Variants in TM2D1 observed in about 807,000 individuals in gnomAD.
TM2D1 encodes the protein TM2 domain-containing protein 1.
In TM2D1, 15 loss-of-function variants were observed where a neutral mutation model predicts 28.4. The observed-to-expected ratio is 0.53, with a 90% CI of 0.35 to 0.81. TM2D1 has a LOEUF of 0.81. TM2D1 is among the 40% of genes least tolerant of loss of function. TM2D1 has a pLI of 0.01. For synonymous variants in TM2D1, 93 were observed against 96.2 expected, an observed-to-expected ratio of 0.97 and a Z score of 0.20; for missense variants, 236 against 254.9, an observed-to-expected ratio of 0.93 and a Z score of 0.50.
At chr1:61,700,079 A>G (rs923777093) in intron 4 of TM2D1, 13 of 1,415,788 alleles carry the variant, frequency 9.2e-6, no homozygotes, top group African/African-American at 1.5e-5. Context: ...TACAGTAAAT[A>G]AAGCATGATC....
At chr1:61,713,340 TG>T (rs990781276) in intron 2 of TM2D1, among the ~76,000 whole-genome samples, 2 of 151,698 alleles carry the variant, frequency 1.3e-5, no homozygotes, top group African/African-American at 4.8e-5. Flanking sequence ...TAGCCAGGCG[TG>T]GTGACATGTG....
At chr1:61,715,058 T>C (rs551629797) in intron 2 of TM2D1, among the ~76,000 whole-genome samples, 7 of 152,200 alleles carry the variant, frequency 4.6e-5, no homozygotes, top group South Asian at 2.1e-4. Flanking sequence ...CACATTGCAA[T>C]GATTCAAGAA....
chr1:61,691,366 G>T (rs973049248), intron 5 of TM2D1, among the ~76,000 whole-genome samples: 1 of 151,584 alleles, frequency 6.6e-6, no homozygotes, highest in Admixed American at 6.6e-5. Context: ...ATAGTGGTGC[G>T]TGCCTGTAAT....
Position 61,725,128 on chromosome 1 carries a change from A to G in TM2D1, c.-8T>C. Reference sequence around the variant, plus strand: ...CGGCCAGGCGGCCGCCATCTTGGAGACCGACACTTTCTCGCCACTTCCGCT... The same window carrying G: ...CGGCCAGGCGGCCGCCATCTTGGAGGCCGACACTTTCTCGCCACTTCCGCT... On this transcript the variant is annotated 5_prime_UTR_variant, in exon 1 of 7. Coordinates refer to ENST00000606498, the MANE Select transcript of TM2D1 (RefSeq NM_032027.3). 3 of 1,613,372 alleles carry G rather than the reference A, an allele frequency of 1.9e-6. No homozygotes were observed. Among genetic ancestry groups the G allele is most frequent in the Non-Finnish European group, 1.7e-6 (2 of 1,179,772 alleles).
At chr1:61,716,850 T>A (rs1242382065) in intron 2 of TM2D1, among the ~76,000 whole-genome samples, 10 of 152,096 alleles carry the variant, frequency 6.6e-5, no homozygotes, top group Non-Finnish European at 1.3e-4. Flanking sequence ...TTCACAATAT[T>A]TCTTTTTCTT....
At chr1:61,707,207 A>T (rs1015033107) in intron 3 of TM2D1, among the ~76,000 whole-genome samples, 2 of 152,164 alleles carry the variant, frequency 1.3e-5, no homozygotes, top group African/African-American at 4.8e-5. Context: ...ATGAGACATG[A>T]TTGTGACGCT....
intron 4 of TM2D1, chr1:61,698,218 T>C (rs1330252963): frequency 1.3e-5 from 2 of 152,206 alleles, no homozygotes; most frequent in Non-Finnish European, 2.9e-5. Context: ...TCAGGTTCTG[T>C]TCAGGATACC....
At chr1:61,700,195 A>T (rs1436564776) in intron 4 of TM2D1, 1 of 1,537,926 alleles carries the variant, frequency 6.5e-7, no homozygotes, top group East Asian at 2.5e-5. Context: ...CAAAGATGAT[A>T]ACAACAAATA....
At chr1:61,723,885 T>C in intron 1 of TM2D1, 99 bp from the exon 2 acceptor site, 1 of 524,276 alleles carries the variant, frequency 1.9e-6, no homozygotes, top group Non-Finnish European at 3.4e-6. Context: ...TATTCACATG[T>C]AAATAGAGGC....
At chr1:61,716,113 G>C (rs945550144) in intron 2 of TM2D1, among the ~76,000 whole-genome samples, 1 of 151,248 alleles carries the variant, frequency 6.6e-6, no homozygotes, top group Non-Finnish European at 1.5e-5. Flanking sequence ...CCGAGCCCAG[G>C]AATTTAAGAC....
chr1:61,709,289 G>C (rs552024316), intron 3 of TM2D1, 40 bp downstream of exon 3: 1 of 1,226,864 alleles, frequency 8.2e-7, no homozygotes, highest in East Asian at 2.4e-5. Flanking sequence ...TATAATATAG[G>C]CAAGTAATCT....
chr1:61,689,888 T>C (rs929293942), intron 5 of TM2D1, among the ~76,000 whole-genome samples: 2 of 152,198 alleles, frequency 1.3e-5, no homozygotes, highest in East Asian at 3.9e-4. Flanking sequence ...CTATTATGTT[T>C]TGAATGTTTG....
intron 5 of TM2D1, among the ~76,000 whole-genome samples, chr1:61,692,595 A>C (rs1402881662): frequency 1.3e-5 from 2 of 152,102 alleles, no homozygotes; most frequent in Admixed American, 6.6e-5. Context: ...AAAGAAAAAT[A>C]AACAAAAAGA....
At chr1:61,711,721 T>C (rs1644480772) in intron 2 of TM2D1, among the ~76,000 whole-genome samples, 1 of 152,234 alleles carries the variant, frequency 6.6e-6, no homozygotes, top group Non-Finnish European at 1.5e-5. Flanking sequence ...ATAAAATTTA[T>C]TGACTTTTGC....
intron 2 of TM2D1, among the ~76,000 whole-genome samples, chr1:61,713,132 T>G (rs973935722): frequency 6.7e-6 from 1 of 148,158 alleles, no homozygotes; most frequent in Non-Finnish European, 1.5e-5. Flanking sequence ...ATTGCGCCAC[T>G]GCACTTCAGC....
At position 61,686,421 on chromosome 1, in the gene TM2D1, C is replaced by T. The variant is rs112812300; in HGVS notation, c.514-2875G>A. Among the ~76,000 whole-genome samples, 198 of 152,110 alleles carry T rather than the reference C, an allele frequency of 1.3e-3. 1 individual carries two copies. Among genetic ancestry groups the T allele is most frequent in the African/African-American group, 4.5e-3 (187 of 41,500 alleles). ...CCTGTAATCCCAGCACTTTGGGAGGCCAAGGTGGGAGGATTGCTTGAGGCC... is the reference window on the plus strand; with the variant it reads ...CCTGTAATCCCAGCACTTTGGGAGGTCAAGGTGGGAGGATTGCTTGAGGCC... On this transcript the variant is annotated intron_variant, in intron 5 of 6. Transcript: ENST00000606498.
intron 5 of TM2D1, among the ~76,000 whole-genome samples, chr1:61,684,470 T>C (rs1345848443): frequency 6.6e-6 from 1 of 152,206 alleles, no homozygotes; most frequent in Non-Finnish European, 1.5e-5. Context: ...TATGATGGCA[T>C]ATTTCCCTGA....
In TM2D1 at chr1:61,700,931, C is replaced by A. The variant is rs555564148; in HGVS notation, c.439+3G>T. 6.2e-7 allele frequency: 1 copy of A among 1,600,992 alleles called. No individual in the cohort carries two copies. Among genetic ancestry groups the A allele is most frequent in the African/African-American group, 1.3e-5 (1 of 74,148 alleles). ...GGATTTTTTTTTAATGAAACATACG[C>A]ACCCAAAGCAGGGTATCCAAGGTAA... On this transcript the variant is annotated splice_donor_region_variant and intron_variant, in intron 4 of 6. Coordinates refer to ENST00000606498, the MANE Select transcript of TM2D1 (RefSeq NM_032027.3).
At chr1:61,719,802 G>C (rs1644549256) in intron 2 of TM2D1, among the ~76,000 whole-genome samples, 1 of 152,112 alleles carries the variant, frequency 6.6e-6, no homozygotes, top group African/African-American at 2.4e-5. Context: ...GCCTAGGGTG[G>C]AGTGCTTTAT....
Sources: gnomAD v4.1 joint callset for allele counts (sites outside exome capture counted in the v4.1 genomes callset) on GRCh38, gnomAD v4.1.1 for gene constraint, MANE v1.5 for transcripts, NCBI Gene and HGNC (gene_info 2026-07-23, HGNC 2026-07-21) for gene names.